The following PTPDC1 variants were observed in gnomAD, a reference collection of about 807,000 sequenced individuals.
The protein encoded by PTPDC1 is protein tyrosine phosphatase domain containing 1, also known as protein tyrosine phosphatase domain-containing protein 1.
In PTPDC1, 53 loss-of-function variants were observed where a neutral mutation model predicts 75.3. The ratio of observed to expected loss-of-function variants is 0.70; its 90% confidence interval spans 0.56 to 0.88. PTPDC1 has a LOEUF of 0.88. PTPDC1 is among the 40% of genes least tolerant of loss of function. The pLI, the probability that PTPDC1 is intolerant of heterozygous loss-of-function variation, is 0.00. For missense variants in PTPDC1, 925 were observed against 998.6 expected, an observed-to-expected ratio of 0.93 and a Z score of 0.99; for synonymous variants, 349 against 366.2, an observed-to-expected ratio of 0.95 and a Z score of 0.54.
Position 94,095,350 on chromosome 9 carries a change from G to A in PTPDC1, c.650G>A (p.Gly217Asp), listed in dbSNP as rs778876253. ...YFYNFGWKDYGVASLTTILDM... is the reference protein window; with the variant it reads ...YFYNFGWKDYDVASLTTILDM... ...TACAATTTCGGATGGAAGGATTATG[G>A]TGTAGCGTCTCTTACTACTATCCTA... The change falls in exon 5 of 9, where the codon GGT (glycine) becomes GAT (aspartate). Residue 217 changes from glycine (G) to aspartate (D), a missense_variant. By Grantham distance (94) the Gly-to-Asp change is moderately conservative (BLOSUM62 -1). Transcript: ENST00000620992. The A allele has an allele frequency of 2.5e-6, 4 of 1,612,028 alleles. No homozygotes were observed. In the African/African-American group the frequency reaches 5.3e-5, roughly 22 times the overall value.
At chr9:94,095,251 C>G in intron 4 of PTPDC1, 66 bp from the exon 5 acceptor site, 1 of 1,294,896 alleles carries the variant, frequency 7.7e-7, no homozygotes, top group Non-Finnish European at 1.1e-6. Flanking sequence ...GTGTACTTTT[C>G]ATTAGTGTTT....
rs565499289 is a variant in PTPDC1, at chr9:94,073,993, C to G, written c.82+9172C>G. ...GTTATTCTAGGAATCAGTGCCAAGA[C>G]ACATTATAATTAAAGTCCTTATTGG... On this transcript the variant is annotated intron_variant, in intron 2 of 9. Transcript: ENST00000375360. 3.3e-5 allele frequency among the ~76,000 whole-genome samples: 5 copies of G among 152,268 alleles called. No homozygotes were observed. The South Asian group carries it at 1.0e-3, about 32-fold the overall frequency.
Position 94,098,104 on chromosome 9 carries a change from C to A in PTPDC1, c.1538C>A (p.Ser513Ter). 1.2e-6 allele frequency: 2 copies of A among 1,614,152 alleles called. No individual in the cohort carries two copies. Among genetic ancestry groups the A allele is most frequent in the South Asian group, 2.2e-5 (2 of 91,036 alleles). Residue 513 changes from serine (S) to a stop codon, truncating the protein, a stop_gained, in exon 6 of 9, where the codon TCA becomes TAA. Transcript: ENST00000620992. LOFTEE classifies it high-confidence loss of function. ...VRSTLSFWSQSKFGGLEGLKD... is the reference protein window; with the variant it reads ...VRSTLSFWSQ ...AGCACACTTTCTTTCTGGAGTCAGT[C>A]AAAGTTTGGAGGCCTGGAAGGACTC... is the stretch of plus-strand genomic sequence containing the variant.
chr9:94,098,639 G>A (rs774165142), intron 6 of PTPDC1, 60 bp downstream of exon 6: 1 of 1,356,984 alleles, frequency 7.4e-7, no homozygotes, highest in Non-Finnish European at 1.0e-6. Flanking sequence ...CAGGGCAAAA[G>A]TGTGATACAT....
intron 2 of PTPDC1, among the ~76,000 whole-genome samples, chr9:94,071,141 G>A (rs985336932): frequency 5.9e-5 from 9 of 152,116 alleles, no homozygotes; most frequent in Non-Finnish European, 8.8e-5. Flanking sequence ...AGCAATGTAC[G>A]AGTGATCAAG....
upstream of PTPDC1, among the ~76,000 whole-genome samples, chr9:94,083,272 C>T (rs1826948868): frequency 6.6e-6 from 1 of 152,150 alleles, no homozygotes; most frequent in Non-Finnish European, 1.5e-5. Context: ...ATTCCTCCGA[C>T]AGGAAAGCTG....
chr9:94,031,630 A>C (rs1332472920), intron 1 of PTPDC1, among the ~76,000 whole-genome samples: 1 of 152,064 alleles, frequency 6.6e-6, no homozygotes, highest in East Asian at 1.9e-4. Flanking sequence ...GATATTGCTC[A>C]TGTTCTTAGG....
intron 6 of PTPDC1, chr9:94,100,242 C>T (rs902683120): frequency 2.0e-5 from 3 of 152,346 alleles, no homozygotes; most frequent in African/African-American, 7.2e-5. Context: ...CAGGGTACAG[C>T]ACATGTGTTT....
At chr9:94,078,562 T>C (rs966714795) in intron 2 of PTPDC1, among the ~76,000 whole-genome samples, 1 of 152,234 alleles carries the variant, frequency 6.6e-6, no homozygotes, top group Admixed American at 6.5e-5. Context: ...AAAAGTTTTT[T>C]CTACTCCTCT....
At position 94,088,129 on chromosome 9, in the gene PTPDC1, C is replaced by T. The variant is rs765586578; in HGVS notation, c.498-16C>T. On this transcript the variant is annotated splice_polypyrimidine_tract_variant and intron_variant, in intron 3 of 8. Transcript: ENST00000620992. ...TGCTAGCTCCCAATATGACTGACTGCCCTTTTTCCTTTAAGCCATGGCATA... is the reference window on the plus strand; with the variant it reads ...TGCTAGCTCCCAATATGACTGACTGTCCTTTTTCCTTTAAGCCATGGCATA... 1.2e-6 allele frequency: 2 copies of T among 1,609,994 alleles called. No individual in the cohort carries two copies. Among genetic ancestry groups the T allele is most frequent in the South Asian group, 1.1e-5 (1 of 89,908 alleles).
upstream of PTPDC1, among the ~76,000 whole-genome samples, chr9:94,080,994 CTT>C (rs61391032): frequency 5.9e-5 from 7 of 117,872 alleles, no homozygotes; most frequent in Non-Finnish European, 5.4e-5. Context: ...TTTTCTTTTT[CTT>C]TTTTTTTTTT....
At chr9:94,081,338 A>G (rs1444640557), upstream of PTPDC1, among the ~76,000 whole-genome samples, 2 of 152,162 alleles carry the variant, frequency 1.3e-5, no homozygotes, top group African/African-American at 2.4e-5. Flanking sequence ...TAAGTTTGAC[A>G]TTGATTCAAA....
chr9:94,037,031 G>C lies in PTPDC1; in HGVS notation c.-7+5904G>C, dbSNP rs1825294083. Among the ~76,000 whole-genome samples, 3 of 152,196 alleles carry C rather than the reference G, an allele frequency of 2.0e-5. 1 individual carries two copies. On this transcript the variant is annotated intron_variant, in intron 1 of 9. Transcript: ENST00000375360. ...AATGGTTTAAATGGATCTACTACAAGATTGCATGGCCAAATTTTATATGCT... is the reference window on the plus strand; with the variant it reads ...AATGGTTTAAATGGATCTACTACAACATTGCATGGCCAAATTTTATATGCT...
chr9:94,051,396 T>C (rs1446979504), intron 1 of PTPDC1, among the ~76,000 whole-genome samples: 1 of 152,244 alleles, frequency 6.6e-6, no homozygotes, highest in Non-Finnish European at 1.5e-5. Context: ...ATATTAACTG[T>C]GACTTTTTAA....
Position 94,096,603 on chromosome 9 carries a change from T to G in PTPDC1, c.755-718T>G, listed in dbSNP as rs536479745. Among the ~76,000 whole-genome samples the G allele has an allele frequency of 9.2e-5, 14 of 152,276 alleles. 1 individual carries two copies. The South Asian group carries it at 2.9e-3, about 32-fold the overall frequency. The stretch of plus-strand genomic sequence containing the variant: ...AACCTTACTAGTTATTCCTTTTAAT[T>G]AGATGTTAGTAAGAATACCTAATGT... On this transcript the variant is annotated intron_variant, in intron 5 of 8. Transcript: ENST00000620992.
chr9:94,059,170 TA>T (rs936492646), intron 1 of PTPDC1, among the ~76,000 whole-genome samples: 6 of 151,454 alleles, frequency 4.0e-5, no homozygotes, highest in African/African-American at 7.3e-5. Context: ...TACAAGATGG[TA>T]AAAAAAAAGT....
chr9:94,096,348 C>G lies in PTPDC1; in HGVS notation c.754+894C>G, dbSNP rs549195301. On this transcript the variant is annotated intron_variant, in intron 5 of 8. Transcript: ENST00000620992. ...TCTAGACATTGACATGATAGCTCTG[C>G]AGACATTTTACATTTATACTAAGAT... 2.2e-3 allele frequency among the ~76,000 whole-genome samples: 336 copies of G among 152,224 alleles called. 2 individuals are homozygous for G. Among genetic ancestry groups the G allele is most frequent in the African/African-American group, 7.5e-3 (310 of 41,530 alleles).
upstream of PTPDC1, among the ~76,000 whole-genome samples, chr9:94,080,994 CTTT>C (rs61391032): frequency 8.5e-6 from 1 of 117,898 alleles, no homozygotes. Flanking sequence ...TTTTCTTTTT[CTTT>C]TTTTTTTTTT....
intron 1 of PTPDC1, among the ~76,000 whole-genome samples, chr9:94,033,634 A>G (rs1829768709): frequency 6.6e-6 from 1 of 152,222 alleles, no homozygotes; most frequent in Non-Finnish European, 1.5e-5. Context: ...CAGCATGTGT[A>G]AAGCCCTAGT....
Sources: allele counts gnomAD v4.1 joint callset (sites outside exome capture counted in the v4.1 genomes callset), GRCh38; gene constraint gnomAD v4.1.1; transcripts MANE v1.5; gene names NCBI Gene and HGNC (gene_info 2026-07-23, HGNC 2026-07-21).